Variants in ANKS1A observed in about 807,000 individuals in gnomAD.
The protein encoded by ANKS1A is ankyrin repeat and SAM domain-containing protein 1A.
In ANKS1A, 55 loss-of-function variants were observed where a neutral mutation model predicts 120.3. The ratio of observed to expected loss-of-function variants is 0.46; its 90% confidence interval spans 0.37 to 0.57. The LOEUF (loss-of-function observed/expected upper bound fraction) is 0.57, where lower values mean the gene tolerates loss of function less well. ANKS1A is among the 20% of genes least tolerant of loss of function. The probability of loss-of-function intolerance (pLI) is 0.00; values close to 1 mark genes in which losing one functional copy is unlikely to be tolerated. For missense variants in ANKS1A, 1,123 were observed against 1,480.3 expected, an observed-to-expected ratio of 0.76 and a Z score of 3.96; for synonymous variants, 590 against 604.7, an observed-to-expected ratio of 0.98 and a Z score of 0.36.
intron 11 of ANKS1A, among the ~76,000 whole-genome samples, chr6:35,022,788 A>G (rs1321295903): frequency 6.6e-6 from 1 of 152,132 alleles, no homozygotes; most frequent in Admixed American, 6.5e-5. Context: ...TACATATCCA[A>G]ATTCGGAGTC....
chr6:35,093,454 A>G (rs1778367239), downstream of ANKS1A, among the ~76,000 whole-genome samples: 1 of 152,208 alleles, frequency 6.6e-6, no homozygotes, highest in Non-Finnish European at 1.5e-5. Context: ...GGCCTTTCCA[A>G]ACGTTATAAA....
At chr6:35,012,680 G>C (rs147277699) in intron 10 of ANKS1A, among the ~76,000 whole-genome samples, 64 of 152,328 alleles carry the variant, frequency 4.2e-4, no homozygotes, top group Non-Finnish European at 7.5e-4. Flanking sequence ...ATAGCTCATC[G>C]TAGTAATTAA....
chr6:34,910,110 G>A (rs1456690530), intron 1 of ANKS1A, among the ~76,000 whole-genome samples: 2 of 152,214 alleles, frequency 1.3e-5, no homozygotes, highest in Non-Finnish European at 2.9e-5. Flanking sequence ...AAGGAGTTGA[G>A]ATTAACTAGG....
chr6:34,922,016 C>CTTTT (rs558428378), intron 1 of ANKS1A, among the ~76,000 whole-genome samples: 61 of 133,588 alleles, frequency 4.6e-4, no homozygotes, highest in African/African-American at 1.3e-3. Context: ...AATTGACTTC[C>CTTTT]TTTTTTTTTT....
chr6:34,972,620 T>C (rs1771240324), intron 3 of ANKS1A: 1 of 985,270 alleles, frequency 1.0e-6, no homozygotes, highest in Admixed American at 6.1e-5. Flanking sequence ...GTACGGCCCC[T>C]TTGACCCTTA....
intron 11 of ANKS1A, among the ~76,000 whole-genome samples, chr6:35,024,176 G>A (rs17608770): frequency 2.0e-5 from 3 of 152,090 alleles, no homozygotes; most frequent in Non-Finnish European, 4.4e-5. Context: ...GTGTTCCTGC[G>A]GCAGAGTCTC....
chr6:35,058,729 C>G lies in ANKS1A; in HGVS notation c.2078-1418C>G, dbSNP rs1776334702. 6.6e-6 allele frequency: 1 copy of G among 152,168 alleles called. No homozygotes were observed. The highest frequency in any genetic ancestry group is 1.5e-5 in the Non-Finnish European group (1 of 68,032). 9.4% of individuals were successfully genotyped at this position (152,168 alleles called of 1,614,324 possible). ...TTTTCCTTCCTTGTACCTCTTTTTC[C>G]TCCTTTTCACTTTTTTCTTTCTTTC... On this transcript the variant is annotated intron_variant, in intron 12 of 23. Transcript: ENST00000360359. The surrounding 1 kb of genome is among the most constrained non-coding windows in gnomAD (Gnocchi z 5.1).
chr6:35,068,939 C>T (rs1384101463), intron 13 of ANKS1A, among the ~76,000 whole-genome samples: 2 of 152,170 alleles, frequency 1.3e-5, no homozygotes, highest in African/African-American at 4.8e-5. Flanking sequence ...CCCCAAGAAT[C>T]AGAATCTAGT....
intron 11 of ANKS1A, among the ~76,000 whole-genome samples, chr6:35,020,006 G>A (rs1262007614): frequency 2.0e-5 from 3 of 152,034 alleles, no homozygotes; most frequent in South Asian, 2.1e-4. Flanking sequence ...TGGAGAGAGC[G>A]GCATGAGCAG....
chr6:35,053,150 A>G (rs1213492133), intron 11 of ANKS1A, among the ~76,000 whole-genome samples: 2 of 152,252 alleles, frequency 1.3e-5, no homozygotes, highest in Non-Finnish European at 2.9e-5. Flanking sequence ...AGGAAAAAGC[A>G]TCCAAGCCCT....
intron 1 of ANKS1A, among the ~76,000 whole-genome samples, chr6:34,964,171 A>G (rs953088724): frequency 6.6e-6 from 1 of 152,188 alleles, no homozygotes; most frequent in Non-Finnish European, 1.5e-5. Context: ...CATGCTCATT[A>G]AAGTGGCTTG....
rs114156383 is a variant in ANKS1A at position 34,928,749 on chromosome 6, C to T, written c.198-38490C>T. 2.3e-3 allele frequency among the ~76,000 whole-genome samples: 355 copies of T among 152,296 alleles called. 3 individuals are homozygous for T. Among genetic ancestry groups the T allele is most frequent in the African/African-American group, 8.0e-3 (332 of 41,554 alleles). ...GGGATTTGAATCCTGGCAGGGGATT[C>T]TGGGGTGTCTGCTCACTCACTGTGT... is the stretch of plus-strand genomic sequence containing the variant. On this transcript the variant is annotated intron_variant, in intron 1 of 23. Transcript: ENST00000360359.
At chr6:35,078,480 G>C in intron 13 of ANKS1A, 78 bp from the exon 14 acceptor site, 2 of 1,363,718 alleles carry the variant, frequency 1.5e-6, no homozygotes, top group East Asian at 2.3e-5. Context: ...GCAGGGCCCT[G>C]AAAGGCCCAC....
At chr6:35,064,400 T>G (rs1776660784) in intron 13 of ANKS1A, among the ~76,000 whole-genome samples, 1 of 152,216 alleles carries the variant, frequency 6.6e-6, no homozygotes, top group Non-Finnish European at 1.5e-5. Context: ...TGCAGGCTCC[T>G]GCTACGTGGC....
In ANKS1A at chr6:34,898,398, G is replaced by T. The variant is rs1257402620; in HGVS notation, c.197+8799G>T. Among the ~76,000 whole-genome samples, 6 of 152,280 alleles carry T rather than the reference G, an allele frequency of 3.9e-5. No homozygotes were observed. The East Asian group carries it at 1.2e-3, about 29-fold the overall frequency. On this transcript the variant is annotated intron_variant, in intron 1 of 23. Transcript: ENST00000360359. ...CTCAATATTGTATATTGAGTCCCTAGTGGGACTGTGGCAGCACCCTGGAAA... is the reference window on the plus strand; with the variant it reads ...CTCAATATTGTATATTGAGTCCCTATTGGGACTGTGGCAGCACCCTGGAAA...
chr6:34,956,404 A>G (rs1770365367), intron 1 of ANKS1A, among the ~76,000 whole-genome samples: 1 of 151,642 alleles, frequency 6.6e-6, no homozygotes, highest in Admixed American at 6.6e-5. Context: ...TCTTTTCCTC[A>G]AATGTCTGGC....
At position 35,090,898 on chromosome 6, in the gene ANKS1A, A is replaced by C. The variant is rs1581774276; in HGVS notation, c.*2289A>C. ...GCCCACCAGCTGCTCAGCGCATAAG[A>C]CCTTCCCGACAGGCTCTGCGTGTGC... On this transcript the variant is annotated 3_prime_UTR_variant, in exon 24 of 24. Transcript: ENST00000360359. 1 of 985,444 alleles carries C rather than the reference A, an allele frequency of 1.0e-6. No individual in the cohort carries two copies. The highest frequency in any genetic ancestry group is 1.1e-4 in the East Asian group (1 of 8,796). The allele number at this position is 985,444 out of a possible 1,614,324, so 61.0% of individuals were successfully genotyped here.
At chr6:35,076,964 T>G (rs1016125797) in intron 13 of ANKS1A, among the ~76,000 whole-genome samples, 1 of 152,010 alleles carries the variant, frequency 6.6e-6, no homozygotes, top group Non-Finnish European at 1.5e-5. Flanking sequence ...CTTGGGCAGG[T>G]CCAGCGTGGA....
chr6:34,957,979 C>T (rs1035319483), intron 1 of ANKS1A, among the ~76,000 whole-genome samples: 37 of 152,136 alleles, frequency 2.4e-4, no homozygotes, highest in African/African-American at 7.7e-4. Flanking sequence ...GTATGGGTAC[C>T]ATGCATGCAA....
Sources: gnomAD v4.1 joint callset for allele counts (sites outside exome capture counted in the v4.1 genomes callset) on GRCh38, gnomAD v4.1.1 for gene constraint, Gnocchi (gnomAD v3.1) non-coding constraint, MANE v1.5 for transcripts, NCBI Gene and HGNC (gene_info 2026-07-23, HGNC 2026-07-21) for gene names.